TRPM3: variants seen among roughly 807,000 people sequenced by gnomAD.
The protein encoded by TRPM3 is transient receptor potential cation channel subfamily M member 3.
In TRPM3, 77 loss-of-function variants were observed where a neutral mutation model predicts 181.2. That is an observed-to-expected ratio of 0.42 (90% CI 0.35 to 0.51). The LOEUF (loss-of-function observed/expected upper bound fraction) is 0.51, where lower values mean the gene tolerates loss of function less well. TRPM3 is among the 20% of genes least tolerant of loss of function. TRPM3 has a pLI of 0.01. For missense variants in TRPM3, 1,759 were observed against 2,196.7 expected, an observed-to-expected ratio of 0.80 and a Z score of 3.98; for synonymous variants, 745 against 796.4, an observed-to-expected ratio of 0.94 and a Z score of 1.09.
chr9:71,032,102 T>A lies in TRPM3; in HGVS notation c.177+89076A>T, dbSNP rs1268068828. On this transcript the variant is annotated intron_variant, in intron 1 of 25. Coordinates refer to ENST00000677713, the MANE Select transcript of TRPM3 (RefSeq NM_001366145.2). ...TTATATATATATAATTATATAATAT[T>A]ATATATATTATATTATATATATTAA... 1.3e-3 allele frequency among the ~76,000 whole-genome samples: 129 copies of A among 99,520 alleles called. 3 individuals are homozygous for A. The highest frequency in any genetic ancestry group is 1.5e-3 in the Non-Finnish European group (78 of 51,756). The allele number at this position is 99,520 out of a possible 152,430, so 65.3% of individuals were successfully genotyped here. A position where few individuals can be genotyped will look rare whatever the true frequency, so the allele number is the denominator to read the frequency against.
chr9:70,623,853 T>C (rs1168344762), intron 14 of TRPM3, among the ~76,000 whole-genome samples: 2 of 146,720 alleles, frequency 1.4e-5, no homozygotes, highest in Non-Finnish European at 3.0e-5. Context: ...TTGTTTGGAT[T>C]GTATTATAGC....
chr9:71,219,478 GA>G (rs2080101204), intron 1 of TRPM3, among the ~76,000 whole-genome samples: 1 of 152,082 alleles, frequency 6.6e-6, no homozygotes, highest in African/African-American at 2.4e-5. Flanking sequence ...TCATTGACAG[GA>G]AAAAGTAGTT....
rs9314786 is a variant in TRPM3 at position 70,792,661 on chromosome 9, C to CAGAGAG, written c.974-8388_974-8383dup. Among the ~76,000 whole-genome samples, 789 of 147,122 alleles carry CAGAGAG rather than the reference C, an allele frequency of 5.4e-3. 9 individuals are homozygous for CAGAGAG. The highest frequency in any genetic ancestry group is 0.017 in the Middle Eastern group (5 of 292). ...AGAAAGAGGTGGAGAGACAGAAAGA[C>CAGAGAG]AGAGAGAGAGAGAGAGAGAGAGAGA... On this transcript the variant is annotated intron_variant, in intron 6 of 25. Coordinates refer to ENST00000677713, the MANE Select transcript of TRPM3 (RefSeq NM_001366145.2).
intron 1 of TRPM3, among the ~76,000 whole-genome samples, chr9:71,246,458 C>A (rs1248499669): frequency 6.6e-6 from 1 of 152,144 alleles, no homozygotes; most frequent in East Asian, 1.9e-4. Flanking sequence ...CACATTTTAG[C>A]ACATGGTTCC....
At chr9:71,400,112 A>T (rs543335700) in intron 1 of TRPM3, among the ~76,000 whole-genome samples, 1 of 152,318 alleles carries the variant, frequency 6.6e-6, no homozygotes, top group Non-Finnish European at 1.5e-5. Context: ...GGTTATCATT[A>T]ATATCAACTA....
At chr9:70,899,006 C>T (rs2096341678) in intron 1 of TRPM3, among the ~76,000 whole-genome samples, 1 of 152,118 alleles carries the variant, frequency 6.6e-6, no homozygotes, top group Non-Finnish European at 1.5e-5. Context: ...ATACACTATC[C>T]ATAGGAGACA....
chr9:71,396,604 G>A (rs529503753), intron 1 of TRPM3, among the ~76,000 whole-genome samples: 3 of 151,572 alleles, frequency 2.0e-5, no homozygotes, highest in East Asian at 1.9e-4. Context: ...GGAGAAAGAC[G>A]ATTCTGAGAA....
At chr9:70,819,110 C>A (rs2092945770) in intron 6 of TRPM3, among the ~76,000 whole-genome samples, 1 of 152,148 alleles carries the variant, frequency 6.6e-6, no homozygotes, top group South Asian at 2.1e-4. Context: ...CTCAGGGTAA[C>A]ATGCTCCGAG....
chr9:71,153,709 C>G (rs1475113358), intron 1 of TRPM3, among the ~76,000 whole-genome samples: 3 of 152,076 alleles, frequency 2.0e-5, no homozygotes, highest in Non-Finnish European at 4.4e-5. Context: ...ATCGTTCTGT[C>G]ACTTATCCTA....
intron 22 of TRPM3, among the ~76,000 whole-genome samples, chr9:70,566,228 A>G (rs1383330086): frequency 6.6e-6 from 1 of 152,168 alleles, no homozygotes; most frequent in Non-Finnish European, 1.5e-5. Flanking sequence ...CGGGAAGCCC[A>G]CGGGTGGTGG....
intron 1 of TRPM3, among the ~76,000 whole-genome samples, chr9:71,349,957 C>T (rs1411987145): frequency 7.0e-6 from 1 of 143,452 alleles, no homozygotes; most frequent in African/African-American, 2.6e-5. Context: ...ATAATGATCT[C>T]ATTGTAAGTG....
chr9:70,562,257 T>C (rs1315905758), intron 22 of TRPM3, among the ~76,000 whole-genome samples: 2 of 152,320 alleles, frequency 1.3e-5, no homozygotes, highest in African/African-American at 4.8e-5. Flanking sequence ...ATTCCTGATA[T>C]TTTGTCACTC....
chr9:71,012,455 C>G (rs2097754122), intron 1 of TRPM3, among the ~76,000 whole-genome samples: 1 of 150,440 alleles, frequency 6.6e-6, no homozygotes, highest in Non-Finnish European at 1.5e-5. Context: ...TTACTGCTAT[C>G]TCTTTTAGTA....
chr9:71,299,495 GAA>G (rs1324557079), intron 1 of TRPM3, among the ~76,000 whole-genome samples: 1 of 146,666 alleles, frequency 6.8e-6, no homozygotes, highest in East Asian at 2.0e-4. Flanking sequence ...AAATAAAAGA[GAA>G]AAAGATGAAG....
intron 1 of TRPM3, among the ~76,000 whole-genome samples, chr9:71,229,757 G>A (rs1345327441): frequency 1.3e-5 from 2 of 151,880 alleles, no homozygotes; most frequent in African/African-American, 4.8e-5. Context: ...CAGTTAAAAT[G>A]GCTTATATCC....
chr9:71,362,926 A>G (rs944253958), intron 1 of TRPM3, among the ~76,000 whole-genome samples: 31 of 152,194 alleles, frequency 2.0e-4, no homozygotes, highest in African/African-American at 7.0e-4. Context: ...GTGGTATTTC[A>G]TTGGGATTGC....
chr9:70,876,088 C>A (rs1036882739), intron 1 of TRPM3, among the ~76,000 whole-genome samples: 3 of 151,616 alleles, frequency 2.0e-5, no homozygotes, highest in Admixed American at 2.0e-4. Context: ...TTATATTGTT[C>A]TAATGTGACC....
chr9:71,436,694 G>A (rs1471234671), intron 1 of TRPM3, among the ~76,000 whole-genome samples: 1 of 152,116 alleles, frequency 6.6e-6, no homozygotes, highest in African/African-American at 2.4e-5. Context: ...GAATGTGGGT[G>A]GCTTCTAGAA....
intron 1 of TRPM3, among the ~76,000 whole-genome samples, chr9:71,288,724 A>G (rs2085515723): frequency 1.3e-5 from 2 of 152,184 alleles, no homozygotes; most frequent in African/African-American, 4.8e-5. Context: ...TGGGTACATC[A>G]GCCAATCCTG....
Sources: gnomAD v4.1 joint callset for allele counts (sites outside exome capture counted in the v4.1 genomes callset) on GRCh38, gnomAD v4.1.1 for gene constraint, MANE v1.5 for transcripts, NCBI Gene and HGNC (gene_info 2026-07-23, HGNC 2026-07-21) for gene names.